GLT1D1: variants seen among roughly 807,000 people sequenced by gnomAD.
GLT1D1 encodes glycosyltransferase 1 domain containing 1.
Under a neutral mutation model 28.7 loss-of-function variants are expected in GLT1D1, and 21 were observed. That is an observed-to-expected ratio of 0.73 (90% CI 0.52 to 1.05). The LOEUF is 1.05. GLT1D1 is among the 50% of genes least tolerant of loss of function. GLT1D1 has a pLI of 0.00. For synonymous variants in GLT1D1, 147 were observed against 124.8 expected (o/e 1.18, Z -1.19); for missense variants, 343 against 330.6 (o/e 1.04, Z -0.29).
At chr12:128,955,491 C>G (rs1262359117) in intron 6 of GLT1D1, among the ~76,000 whole-genome samples, 1 of 148,186 alleles carries the variant, frequency 6.7e-6, no homozygotes, top group Admixed American at 6.9e-5. Context: ...TGGATGTGCA[C>G]TCCATACATA....
chr12:128,904,749 T>C (rs1870670192), intron 4 of GLT1D1, among the ~76,000 whole-genome samples: 2 of 150,372 alleles, frequency 1.3e-5, no homozygotes, highest in African/African-American at 5.0e-5. Context: ...TTCTCCTGCC[T>C]CAGCTTCCCA....
chr12:128,978,647 T>C (rs895044824), intron 7 of GLT1D1, among the ~76,000 whole-genome samples: 3 of 152,162 alleles, frequency 2.0e-5, no homozygotes, highest in African/African-American at 7.2e-5. Context: ...GAGAGGGTTC[T>C]TGGATCTGTC....
chr12:128,875,289 G>A (rs563648647), intron 1 of GLT1D1, among the ~76,000 whole-genome samples: 1 of 152,306 alleles, frequency 6.6e-6, no homozygotes, highest in East Asian at 1.9e-4. Context: ...TGCCACTGGA[G>A]GTGGCAGTGT....
intron 1 of GLT1D1, among the ~76,000 whole-genome samples, chr12:128,860,059 T>C (rs1956317427): frequency 6.6e-6 from 1 of 152,216 alleles, no homozygotes; most frequent in Non-Finnish European, 1.5e-5. Context: ...TGTGAGCTGC[T>C]AGCGAGTATT....
intron 7 of GLT1D1, among the ~76,000 whole-genome samples, chr12:128,971,865 C>CT (rs796663824): frequency 2.6e-5 from 2 of 78,176 alleles, no homozygotes; most frequent in Admixed American, 1.3e-4. Flanking sequence ...TCCCCCCTCC[C>CT]TCCTCCCTCC....
chr12:128,959,720 CCAAA>C (rs1265344669), intron 7 of GLT1D1, among the ~76,000 whole-genome samples: 6 of 152,220 alleles, frequency 3.9e-5, no homozygotes, highest in South Asian at 4.1e-4. Flanking sequence ...TGTTGATTCT[CCAAA>C]CAAAGGCTTA....
In GLT1D1 at chr12:128,874,111, TC is replaced by T. The variant is rs1337126115; in HGVS notation, c.69-1802del. ...TTCTTTCTTTCTTTCTCTCTCTCTC[TC>T]TCTCTCTCTCTCTCTTTCTTTCTTT... On this transcript the variant is annotated intron_variant, in intron 1 of 7. Transcript: ENST00000281703. Among the ~76,000 whole-genome samples the T allele has an allele frequency of 8.4e-4, 53 of 63,408 alleles. 1 individual carries two copies. The highest frequency in any genetic ancestry group is 7.8e-3 in the Middle Eastern group (1 of 128). The allele number at this position is 63,408 out of a possible 152,430, so 41.6% of individuals were successfully genotyped here. A position where few individuals can be genotyped will look rare whatever the true frequency, so the allele number is the denominator to read the frequency against.
rs748969961 is a variant in GLT1D1 at position 128,906,931 on chromosome 12, G to A, written c.375+7644G>A. 4.3e-6 allele frequency: 3 copies of A among 702,562 alleles called. No individual in the cohort carries two copies. In the South Asian group the frequency reaches 4.4e-5, roughly 10 times the overall value. 43.5% of individuals were successfully genotyped at this position (702,562 alleles called of 1,614,324 possible). A position where few individuals can be genotyped will look rare whatever the true frequency, so the allele number is the denominator to read the frequency against. ...GAAAGCAAGACAGATCTCATTGGCT[G>A]TCACAAGTGCAGTTCCTGTACAGGT... On this transcript the variant is annotated intron_variant, in intron 4 of 7. Transcript: ENST00000281703.
intron 7 of GLT1D1, among the ~76,000 whole-genome samples, chr12:128,970,972 C>T (rs752629498): frequency 1.3e-5 from 2 of 152,226 alleles, no homozygotes; most frequent in Non-Finnish European, 2.9e-5. Flanking sequence ...GCGTACAAGG[C>T]GCAACCCTTC....
intron 3 of GLT1D1, among the ~76,000 whole-genome samples, chr12:128,897,560 C>CT (rs1593099615): frequency 1.3e-5 from 2 of 152,254 alleles, no homozygotes; most frequent in East Asian, 1.9e-4. Context: ...GTAGTCTTAC[C>CT]TTTTTTTACT....
At chr12:128,923,024 G>T (rs1449370272) in intron 4 of GLT1D1, among the ~76,000 whole-genome samples, 1 of 151,968 alleles carries the variant, frequency 6.6e-6, no homozygotes, top group Non-Finnish European at 1.5e-5. Flanking sequence ...TTATTCAGAG[G>T]CTGTGACAAT....
chr12:128,944,875 G>A, intron 4 of GLT1D1: 1 of 368,230 alleles, frequency 2.7e-6, no homozygotes, highest in South Asian at 3.9e-5. Context: ...GTATACATGT[G>A]CCATGGTGGT....
At chr12:128,877,111 T>G (rs1363219401) in intron 2 of GLT1D1, among the ~76,000 whole-genome samples, 1 of 152,206 alleles carries the variant, frequency 6.6e-6, no homozygotes, top group East Asian at 1.9e-4. Context: ...ATTTTCAGGT[T>G]GTGGAAAATT....
rs758721630 is a variant in GLT1D1, at chr12:128,947,345, G to A, written c.427G>A (p.Gly143Arg). The A allele has an allele frequency of 1.2e-6, 2 of 1,613,998 alleles. No individual in the cohort carries two copies. The highest frequency in any genetic ancestry group is 4.5e-5 in the East Asian group (2 of 44,868). The change falls in exon 6 of 8, where the codon GGG becomes AGG. Residue 143 changes from glycine (G) to arginine (R), a missense_variant. By Grantham distance (125) the Gly-to-Arg change is moderately radical. Coordinates refer to ENST00000281703, the MANE Select transcript of GLT1D1 (RefSeq NM_144669.3). ...TCCTGCTTTGTGTTTCAGAGCCGCTGGGGTACGATTGATTGGAGAGATGCC... is the reference window on the plus strand; with the variant it reads ...TCCTGCTTTGTGTTTCAGAGCCGCTAGGGTACGATTGATTGGAGAGATGCC...
intron 6 of GLT1D1, among the ~76,000 whole-genome samples, chr12:128,951,480 G>T (rs1161485313): frequency 6.6e-6 from 1 of 152,224 alleles, no homozygotes; most frequent in Non-Finnish European, 1.5e-5. Context: ...CAGTTTTTTT[G>T]TTTGTTTGTT....
intron 1 of GLT1D1, among the ~76,000 whole-genome samples, chr12:128,874,782 C>G (rs933914652): frequency 2.6e-5 from 4 of 152,182 alleles, no homozygotes; most frequent in Non-Finnish European, 4.4e-5. Flanking sequence ...CCTCACCCAG[C>G]CCTCATGTCC....
chr12:128,942,216 C>A (rs1288294240), intron 4 of GLT1D1, among the ~76,000 whole-genome samples: 1 of 151,886 alleles, frequency 6.6e-6, no homozygotes, highest in Non-Finnish European at 1.5e-5. Flanking sequence ...AAGTAATAGC[C>A]TCAGTTATGA....
At chr12:128,944,851 G>T (rs1170187109) in intron 4 of GLT1D1, 1 of 295,228 alleles carries the variant, frequency 3.4e-6, no homozygotes, top group Non-Finnish European at 6.2e-6. Flanking sequence ...ACAATGTGCA[G>T]GTTTGTTACA....
intron 7 of GLT1D1, among the ~76,000 whole-genome samples, chr12:128,977,245 A>G (rs933279511): frequency 2.0e-5 from 3 of 152,158 alleles, no homozygotes; most frequent in Admixed American, 6.5e-5. Context: ...TCAATGAGAA[A>G]TGCTCCACCA....
Sources: gnomAD v4.1 joint callset for allele counts (sites outside exome capture counted in the v4.1 genomes callset) on GRCh38, gnomAD v4.1.1 for gene constraint, MANE v1.5 for transcripts, NCBI Gene and HGNC (gene_info 2026-07-23, HGNC 2026-07-21) for gene names.